DPP6: variants seen among roughly 807,000 people sequenced by gnomAD.
The protein encoded by DPP6 is dipeptidyl peptidase like 6.
Under a neutral mutation model 122.6 loss-of-function variants are expected in DPP6, and 69 were observed. The ratio of observed to expected loss-of-function variants is 0.56; its 90% CI spans 0.46 to 0.69. The LOEUF (loss-of-function observed/expected upper bound fraction) is 0.69. Ranked by LOEUF, DPP6 falls within the 30% of genes least tolerant of loss-of-function variation. DPP6 has a pLI of 0.00. For missense variants in DPP6, 928 were observed against 1,116.9 expected (o/e 0.83, Z 2.41); for synonymous variants, 418 against 433.1 (o/e 0.97, Z 0.43).
intron 18 of DPP6, among the ~76,000 whole-genome samples, chr7:154,870,868 C>A (rs1159416580): frequency 6.7e-6 from 1 of 148,690 alleles, no homozygotes; most frequent in African/African-American, 2.5e-5. Context: ...GTGGCTGAGG[C>A]AGGAGAATCA....
chr7:154,709,104 T>C (rs1841004507), intron 7 of DPP6, among the ~76,000 whole-genome samples: 1 of 152,022 alleles, frequency 6.6e-6, no homozygotes, highest in South Asian at 2.1e-4. Flanking sequence ...AAATTAACCA[T>C]TATATTATAT....
intron 1 of DPP6, among the ~76,000 whole-genome samples, chr7:153,965,849 C>T (rs998855596): frequency 1.3e-5 from 2 of 150,856 alleles, no homozygotes; most frequent in African/African-American, 2.4e-5. Flanking sequence ...TGTAGCTGCT[C>T]TGTTAACCTG....
In DPP6 at chr7:154,159,746, A is replaced by G. The variant is rs3115182; in HGVS notation, c.243+106683A>G. On this transcript the variant is annotated intron_variant, in intron 1 of 25. Coordinates refer to ENST00000377770, the MANE Select transcript of DPP6 (RefSeq NM_130797.4). ...AGCGCTACAAATACAGGGTCCTTCTATACAGGTTATTCACACTGATCTTCC... is the reference window on the plus strand; with the variant it reads ...AGCGCTACAAATACAGGGTCCTTCTGTACAGGTTATTCACACTGATCTTCC... Among the ~76,000 whole-genome samples the G allele has an allele frequency of 3.9e-5, 6 of 152,292 alleles. No homozygotes were observed. In the South Asian group the frequency reaches 6.2e-4, roughly 16 times the overall value.
intron 7 of DPP6, among the ~76,000 whole-genome samples, chr7:154,714,812 A>G (rs1381176618): frequency 2.6e-5 from 4 of 152,242 alleles, no homozygotes; most frequent in African/African-American, 9.6e-5. Context: ...ATTTTTAAAA[A>G]TGAAACTAAT....
chr7:154,375,159 T>C (rs1435876978), intron 1 of DPP6, among the ~76,000 whole-genome samples: 1 of 151,742 alleles, frequency 6.6e-6, no homozygotes, highest in African/African-American at 2.4e-5. Context: ...AGAAACGCTT[T>C]TTTGAGGAGG....
chr7:153,973,188 C>T (rs2628902), intron 1 of DPP6, among the ~76,000 whole-genome samples: 91,759 of 151,548 alleles, frequency 0.61, 30,535 homozygotes, highest in Non-Finnish European at 0.76. Flanking sequence ...TCTGCTTTCT[C>T]GTTGTTGGTA....
At chr7:154,610,466 T>G (rs1437917599) in intron 5 of DPP6, among the ~76,000 whole-genome samples, 4 of 152,154 alleles carry the variant, frequency 2.6e-5, no homozygotes, top group African/African-American at 9.6e-5. Context: ...GGCTGAAAAT[T>G]GAATTTCCTA....
rs945998861 is a variant in DPP6 at position 154,833,205 on chromosome 7, G to A, written c.1667-20575G>A. 1.2e-4 allele frequency among the ~76,000 whole-genome samples: 19 copies of A among 152,208 alleles called. No individual in the cohort carries two copies. Among genetic ancestry groups the A allele is most frequent in the African/African-American group, 4.3e-4 (18 of 41,444 alleles). On this transcript the variant is annotated intron_variant, in intron 16 of 25. Coordinates refer to ENST00000377770, the MANE Select transcript of DPP6 (RefSeq NM_130797.4). This position sits in a 1 kb window ranked among gnomAD's most constrained non-coding sequence, Gnocchi z 4.3. ...GCACACAGGAGCAGTGCAGAAGAGT[G>A]AGGGTCCCGGGGTCCCAGTGCCCTG...
At chr7:154,059,872 G>A (rs1398350848) in intron 1 of DPP6, among the ~76,000 whole-genome samples, 4 of 151,432 alleles carry the variant, frequency 2.6e-5, no homozygotes, top group African/African-American at 4.9e-5. Flanking sequence ...CCTATTTGAC[G>A]GCCTTGGCAG....
chr7:154,454,575 G>A (rs895269326), intron 2 of DPP6, among the ~76,000 whole-genome samples: 2 of 152,144 alleles, frequency 1.3e-5, no homozygotes, highest in African/African-American at 4.8e-5. Context: ...ACAGAGGACA[G>A]TCTGGCCAGG....
At chr7:154,122,468 C>T (rs1488751991) in intron 1 of DPP6, among the ~76,000 whole-genome samples, 2 of 152,180 alleles carry the variant, frequency 1.3e-5, no homozygotes, top group African/African-American at 4.8e-5. Context: ...ATAAAATAAA[C>T]CGAAGTTACT....
chr7:154,346,644 T>C (rs959575724), intron 1 of DPP6, among the ~76,000 whole-genome samples: 20 of 152,162 alleles, frequency 1.3e-4, no homozygotes, highest in African/African-American at 4.8e-4. Flanking sequence ...CCCCTGTGTC[T>C]TGAGGGACTC....
the DPP6 span, among the ~76,000 whole-genome samples, chr7:153,843,697 G>A: frequency 2.0e-5 from 3 of 152,182 alleles, no homozygotes; most frequent in East Asian, 1.9e-4. Flanking sequence ...AGTACAGTAT[G>A]CAGAGATAAG....
chr7:154,647,968 T>C (rs80331711), intron 6 of DPP6, among the ~76,000 whole-genome samples: 22,356 of 151,880 alleles, frequency 0.15, 1,912 homozygotes, highest in African/African-American at 0.24. Flanking sequence ...TCACTGAGCC[T>C]GGCCGGGCAC....
intron 1 of DPP6, among the ~76,000 whole-genome samples, chr7:154,306,900 A>G (rs533349642): frequency 6.6e-6 from 1 of 152,338 alleles, no homozygotes; most frequent in Non-Finnish European, 1.5e-5. Context: ...TATTTGCTCA[A>G]TAAAGAAATA....
rs553007060 is a variant in DPP6 at position 154,173,403 on chromosome 7, G to A, written c.243+120340G>A. Among the ~76,000 whole-genome samples, 8 of 152,258 alleles carry A rather than the reference G, an allele frequency of 5.3e-5. No individual in the cohort carries two copies. The South Asian group carries it at 1.5e-3, about 28-fold the overall frequency. ...GTAAGCCCTGGCTCCTCCCTCAGGG[G>A]CAGCTGGACAAGTCGAGCAGATCCT... On this transcript the variant is annotated intron_variant, in intron 1 of 25. Transcript: ENST00000377770.
intron 1 of DPP6, among the ~76,000 whole-genome samples, chr7:154,280,652 T>C (rs1032544714): frequency 1.3e-5 from 2 of 152,332 alleles, no homozygotes; most frequent in Non-Finnish European, 2.9e-5. Context: ...AGTGGGTTTA[T>C]TGTCACTCTA....
chr7:154,229,616 A>G (rs1042985363), intron 1 of DPP6, among the ~76,000 whole-genome samples: 5 of 152,172 alleles, frequency 3.3e-5, no homozygotes, highest in African/African-American at 7.2e-5. Context: ...CTATTAAAAC[A>G]AGTTTTTTTA....
chr7:154,392,604 C>G (rs1019851663), intron 1 of DPP6, among the ~76,000 whole-genome samples: 2 of 152,094 alleles, frequency 1.3e-5, no homozygotes, highest in African/African-American at 2.4e-5. Flanking sequence ...ACCAATACCT[C>G]GTAGGAAGGT....
Sources: gnomAD v4.1 joint callset for allele counts (sites outside exome capture counted in the v4.1 genomes callset) on GRCh38, gnomAD v4.1.1 for gene constraint, Gnocchi (gnomAD v3.1) non-coding constraint, MANE v1.5 for transcripts, NCBI Gene and HGNC (gene_info 2026-07-23, HGNC 2026-07-21) for gene names.